TRPM1: variants seen among roughly 807,000 people sequenced by gnomAD.
The protein encoded by TRPM1 is transient receptor potential cation channel subfamily M member 1.
A neutral mutation model predicts 149.4 loss-of-function variants in TRPM1; 113 were observed. The observed-to-expected ratio is 0.76, with a 90% CI of 0.65 to 0.88. TRPM1 has a LOEUF of 0.88. TRPM1 is among the 40% of genes least tolerant of loss of function. The probability of loss-of-function intolerance (pLI) is 0.00; values close to 1 mark genes in which losing one functional copy is unlikely to be tolerated. For missense variants in TRPM1, 1,976 were observed against 2,038.7 expected (o/e 0.97, Z 0.59); for synonymous variants, 741 against 759.5 (o/e 0.98, Z 0.40).
intron 27 of TRPM1, among the ~76,000 whole-genome samples, chr15:31,015,607 A>G (rs148538503): frequency 6.2e-4 from 94 of 152,274 alleles, no homozygotes; most frequent in African/African-American, 2.2e-3. Context: ...TTCCCATCAC[A>G]CTTAAGATAA....
intron 13 of TRPM1, 78 bp from the exon 14 acceptor site, chr15:31,048,017 C>G (rs972711746): frequency 1.6e-6 from 2 of 1,238,838 alleles, no homozygotes; most frequent in African/African-American, 1.5e-5. Flanking sequence ...AGTCCCAGCA[C>G]TTTGGGAGGC....
intron 27 of TRPM1, among the ~76,000 whole-genome samples, chr15:31,010,942 G>A (rs1173484504): frequency 6.6e-6 from 1 of 152,128 alleles, no homozygotes; most frequent in Non-Finnish European, 1.5e-5. Context: ...TATCTTATGA[G>A]GCTCTGCTAT....
intron 3 of TRPM1, among the ~76,000 whole-genome samples, chr15:31,072,016 T>TAGAG (rs1443932287): frequency 3.2e-3 from 99 of 30,668 alleles, no homozygotes; most frequent in Non-Finnish European, 4.1e-3. Flanking sequence ...TATATATATA[T>TAGAG]ATAGAGAGAG....
intron 1 of TRPM1, among the ~76,000 whole-genome samples, chr15:31,095,794 A>C (rs2035363343): frequency 1.3e-5 from 2 of 151,972 alleles, no homozygotes; most frequent in Admixed American, 1.3e-4. Flanking sequence ...CTGTAATCCC[A>C]GCACTTTGGG....
At chr15:31,129,779 G>C (rs913283774) in intron 1 of TRPM1, among the ~76,000 whole-genome samples, 4 of 152,164 alleles carry the variant, frequency 2.6e-5, no homozygotes, top group African/African-American at 9.7e-5. Context: ...TTCCCTCCTT[G>C]CCCAGGTATT....
At chr15:31,087,103 G>A (rs1051062501) in intron 1 of TRPM1, among the ~76,000 whole-genome samples, 2 of 151,912 alleles carry the variant, frequency 1.3e-5, no homozygotes, top group African/African-American at 2.4e-5. Flanking sequence ...TGGAGAAATC[G>A]GAAAACTTGT....
In TRPM1 at chr15:31,029,377, T is replaced by G; in HGVS notation, c.3142A>C (p.Ile1048Leu). 1 of 1,613,896 alleles carries G rather than the reference T, an allele frequency of 6.2e-7. No individual in the cohort carries two copies. Among genetic ancestry groups the G allele is most frequent in the Non-Finnish European group, 8.5e-7 (1 of 1,179,856 alleles). ...ADQIDLYAME[I>L]NPPCGENLYD... Reference sequence around the variant, plus strand: ...CAATTCCATGTAAACTTACGATTAATTTCCATGGCGTAGACTACATGACGA... The same window carrying G: ...CAATTCCATGTAAACTTACGATTAAGTTCCATGGCGTAGACTACATGACGA... Residue 1048 changes from isoleucine to leucine, a missense_variant, in exon 24 of 28, where the codon ATT becomes CTT. Ile to Leu is a conservative substitution (Grantham distance 5). Around this residue, in one of 3 missense-constraint regions of TRPM1, gnomAD observed 1,332 missense variants for 1,347.1 expected, o/e 0.99. Coordinates refer to ENST00000256552, the MANE Select transcript of TRPM1 (RefSeq NM_001252024.2).
chr15:31,104,809 T>A (rs565154585), upstream of TRPM1, among the ~76,000 whole-genome samples: 29 of 152,216 alleles, frequency 1.9e-4, no homozygotes, highest in South Asian at 3.9e-3. Context: ...TTGGCCAGGA[T>A]GGTCTCAATC....
intron 1 of TRPM1, among the ~76,000 whole-genome samples, chr15:31,092,055 A>AG (rs999487418): frequency 7.6e-5 from 4 of 52,754 alleles, no homozygotes; most frequent in African/African-American, 2.3e-4. Flanking sequence ...GTGGTCTAGG[A>AG]GGGGCCGGGA....
At chr15:31,072,450 T>G (rs1312839253) in intron 3 of TRPM1, among the ~76,000 whole-genome samples, 3 of 152,198 alleles carry the variant, frequency 2.0e-5, no homozygotes, top group African/African-American at 7.2e-5. Flanking sequence ...CTATTCGCAC[T>G]CTTCAGCTGT....
chr15:31,043,268 A>G (rs1220428734), intron 16 of TRPM1, among the ~76,000 whole-genome samples: 1 of 152,132 alleles, frequency 6.6e-6, no homozygotes, highest in Admixed American at 6.5e-5. Flanking sequence ...ATCTCGGCTC[A>G]CTGCAAGCTC....
chr15:31,076,658 A>G (rs1172267177), intron 3 of TRPM1, among the ~76,000 whole-genome samples: 1 of 152,136 alleles, frequency 6.6e-6, no homozygotes, highest in African/African-American at 2.4e-5. Flanking sequence ...GACTAAGAGG[A>G]ATGATGTGGG....
chr15:31,090,259 A>G (rs991183324), intron 1 of TRPM1, among the ~76,000 whole-genome samples: 2 of 151,976 alleles, frequency 1.3e-5, no homozygotes, highest in African/African-American at 4.8e-5. Flanking sequence ...CTCACCCTTC[A>G]ACCAGCTGCA....
chr15:31,119,824 A>G (rs2035853234), intron 1 of TRPM1, among the ~76,000 whole-genome samples: 1 of 152,212 alleles, frequency 6.6e-6, no homozygotes, highest in African/African-American at 2.4e-5. Context: ...TTTTAAATGT[A>G]TACTGCAAAC....
chr15:31,102,836 G>A (rs777263067), upstream of TRPM1, among the ~76,000 whole-genome samples: 35 of 152,376 alleles, frequency 2.3e-4, no homozygotes, highest in Non-Finnish European at 4.6e-4. Flanking sequence ...TTGCTGGAGC[G>A]CGCACAGCCC....
chr15:31,153,427 C>G (rs758601648), intron 1 of TRPM1, among the ~76,000 whole-genome samples: 9 of 152,202 alleles, frequency 5.9e-5, no homozygotes, highest in Non-Finnish European at 1.2e-4. Flanking sequence ...CAGGTTCAAG[C>G]AATTCTCTTG....
At chr15:31,141,451 C>T (rs1596098958) in intron 1 of TRPM1, among the ~76,000 whole-genome samples, 1 of 152,124 alleles carries the variant, frequency 6.6e-6, no homozygotes, top group South Asian at 2.1e-4. Flanking sequence ...TTTCATCTAA[C>T]TTGGAGGTTA....
intron 1 of TRPM1, among the ~76,000 whole-genome samples, chr15:31,141,352 C>A (rs2036159476): frequency 6.6e-6 from 1 of 151,946 alleles, no homozygotes; most frequent in Admixed American, 6.6e-5. Context: ...TAATTCTGTA[C>A]ACAAAGTGTA....
chr15:31,045,392 C>T (rs1381795904), intron 16 of TRPM1, among the ~76,000 whole-genome samples: 1 of 152,114 alleles, frequency 6.6e-6, no homozygotes, highest in Non-Finnish European at 1.5e-5. Context: ...TGTGAGGGAA[C>T]TTTAGTTGAT....
Sources: allele counts gnomAD v4.1 joint callset (sites outside exome capture counted in the v4.1 genomes callset), GRCh38; gene constraint gnomAD v4.1.1; regional missense constraint gnomAD v4.1.1; transcripts MANE v1.5; gene names NCBI Gene and HGNC (gene_info 2026-07-23, HGNC 2026-07-21).